YY1AP1: variants seen among roughly 807,000 people sequenced by gnomAD.
YY1AP1 encodes YY1-associated protein 1.
In YY1AP1, 43 loss-of-function variants were observed where a neutral mutation model predicts 39.9. The ratio of observed to expected loss-of-function variants is 1.08; its 90% CI spans 0.84 to 1.39. The LOEUF is 1.39. Among genes scored for constraint, YY1AP1 ranks in the 40% most tolerant of loss-of-function variants. YY1AP1 has a pLI of 0.00. For synonymous variants in YY1AP1, 292 were observed against 331.3 expected (o/e 0.88, Z 1.29); for missense variants, 813 against 900.7 (o/e 0.90, Z 1.25).
intron 4 of YY1AP1, among the ~76,000 whole-genome samples, chr1:155,676,963 C>T (rs1026310493): frequency 6.6e-6 from 1 of 152,200 alleles, no homozygotes; most frequent in Non-Finnish European, 1.5e-5. Context: ...CATCCCATTC[C>T]TCTACAATTC....
chr1:155,679,642 A>G (rs149916374), intron 3 of YY1AP1, 130 bp from the exon 4 acceptor site: 360 of 1,542,180 alleles, frequency 2.3e-4, no homozygotes, highest in Non-Finnish European at 3.0e-4. Context: ...AGCCTACATC[A>G]GAACCTTTCT....
intron 3 of YY1AP1, 162 bp downstream of exon 3, chr1:155,680,254 C>A (rs1571356890): frequency 3.0e-6 from 2 of 673,816 alleles, no homozygotes; most frequent in South Asian, 3.8e-5. Flanking sequence ...AAGAGTCTAG[C>A]AGTTAGCAAA....
intron 9 of YY1AP1, 86 bp downstream of exon 9, chr1:155,668,541 G>A: frequency 6.3e-7 from 1 of 1,590,106 alleles, no homozygotes; most frequent in Non-Finnish European, 8.6e-7. Context: ...ATAAAAGAAG[G>A]TTCTTCTTTT....
chr1:155,682,117 A>AT (rs956201730), intron 2 of YY1AP1, among the ~76,000 whole-genome samples: 7 of 151,886 alleles, frequency 4.6e-5, no homozygotes, highest in East Asian at 3.9e-4. Flanking sequence ...AGGCAGCTTG[A>AT]TTTTTTTTTA....
intron 5 of YY1AP1, among the ~76,000 whole-genome samples, chr1:155,676,020 G>A (rs867983050): frequency 9.2e-5 from 14 of 152,068 alleles, no homozygotes; most frequent in East Asian, 1.9e-4. Flanking sequence ...TTAGGAGATC[G>A]AGACCATCCT....
At chr1:155,684,069 G>A (rs1364353723) in intron 2 of YY1AP1, among the ~76,000 whole-genome samples, 1 of 152,186 alleles carries the variant, frequency 6.6e-6, no homozygotes, top group East Asian at 1.9e-4. Flanking sequence ...CCAACGTGGG[G>A]AAACCCTGTC....
chr1:155,659,901 G>A lies in YY1AP1; in HGVS notation c.2009C>T (p.Thr670Ile). The A allele has an allele frequency of 3.7e-6, 6 of 1,614,260 alleles. No individual in the cohort carries two copies. Among genetic ancestry groups the A allele is most frequent in the Non-Finnish European group, 4.2e-6 (5 of 1,180,044 alleles). ...GCTATGTTCCACTTTGGGGAAAACA[G>A]TAGCAGAGAGAGGAGATAGTTCCTG... ...EPQELSPLSA[T>I]VFPKVEHSPG... is the part of the protein sequence containing the mutation. Residue 670 changes from threonine (T) to isoleucine (I), a missense_variant, in exon 11 of 11, where the codon ACT (threonine) becomes ATT (isoleucine). Thr to Ile is a moderately conservative substitution (Grantham distance 89). Coordinates refer to ENST00000355499, the MANE Select transcript of YY1AP1 (RefSeq NM_139119.3).
intron 2 of YY1AP1, among the ~76,000 whole-genome samples, chr1:155,684,559 T>A (rs1429521640): frequency 1.3e-5 from 2 of 151,636 alleles, no homozygotes; most frequent in African/African-American, 4.9e-5. Flanking sequence ...AACACCTTTT[T>A]ACATTTCTTG....
chr1:155,668,541 GTTC>G (rs1477475887), intron 9 of YY1AP1, 83 bp downstream of exon 9: 2 of 1,589,988 alleles, frequency 1.3e-6, no homozygotes, highest in South Asian at 1.1e-5. Flanking sequence ...ATAAAAGAAG[GTTC>G]TTCTTTTCTT....
chr1:155,679,432 G>C lies in YY1AP1; in HGVS notation c.102C>G (p.Asn34Lys), dbSNP rs200526712. The C allele has an allele frequency of 7.2e-5, 116 of 1,614,126 alleles. 1 individual carries two copies. In the African/African-American group the frequency reaches 1.3e-3, roughly 18 times the overall value. Residue 34 changes from asparagine to lysine, a missense_variant, in exon 4 of 11, where the codon AAC (asparagine) becomes AAG (lysine). Coordinates refer to ENST00000355499, the MANE Select transcript of YY1AP1 (RefSeq NM_139119.3). ...EEERVAEPQA[N>K]FNTPQALRFE... ...ACCGTAGAGCTTGAGGGGTGTTAAA[G>C]TTAGCTTGAGGCTCAGCCACACGCT...
Position 155,688,745 on chromosome 1 carries a change from A to C in YY1AP1, c.-238T>G, listed in dbSNP as rs1333061233. On this transcript the variant is annotated 5_prime_UTR_variant, in exon 1 of 11. Coordinates refer to ENST00000355499, the MANE Select transcript of YY1AP1 (RefSeq NM_139119.3). ...CCCGCACGGCCACCAACCGCCGCCAAAGCAGCCGCCGCCAGCACCCCCACC... is the reference window on the plus strand; with the variant it reads ...CCCGCACGGCCACCAACCGCCGCCACAGCAGCCGCCGCCAGCACCCCCACC... The C allele has an allele frequency of 3.3e-6, 5 of 1,517,892 alleles. No homozygotes were observed. The highest frequency in any genetic ancestry group is 4.4e-5 in the Admixed American group (2 of 45,764). The allele number at this position is 1,517,892 out of a possible 1,614,324, so 94.0% of individuals were successfully genotyped here.
rs757489484 is a variant in YY1AP1, at chr1:155,670,380, A to G, written c.668T>C (p.Val223Ala). The change falls in exon 8 of 11, where the codon GTG becomes GCG. Residue 223 changes from valine (V) to alanine (A), a missense_variant. Physicochemically the swap from Val to Ala is moderately conservative, Grantham distance 64. Coordinates refer to ENST00000355499, the MANE Select transcript of YY1AP1 (RefSeq NM_139119.3). Reference protein sequence around the residue: ...KVFMYPELLPVCSLKAKNPQD... With the variant: ...KVFMYPELLPACSLKAKNPQD... ...GGGATTCTTTGCCTTCAGGGAACACACTGGAAGTAACTCTGGATACATGAA... is the reference window on the plus strand; with the variant it reads ...GGGATTCTTTGCCTTCAGGGAACACGCTGGAAGTAACTCTGGATACATGAA... 9.3e-6 allele frequency: 15 copies of G among 1,613,622 alleles called. No homozygotes were observed. The South Asian group carries it at 1.2e-4, about 13-fold the overall frequency.
Position 155,688,743 on chromosome 1 carries a change from C to T in YY1AP1, c.-236G>A, listed in dbSNP as rs115908216. The T allele has an allele frequency of 3.3e-3, 5,082 of 1,518,184 alleles. 173 individuals carry two copies. The African/African-American group carries it at 0.063, about 19-fold the overall frequency. 94.0% of individuals were successfully genotyped at this position (1,518,184 alleles called of 1,614,324 possible). A position where few individuals can be genotyped will look rare whatever the true frequency, so the allele number is the denominator to read the frequency against. ...CGCCCGCACGGCCACCAACCGCCGC[C>T]AAAGCAGCCGCCGCCAGCACCCCCA... On this transcript the variant is annotated 5_prime_UTR_variant, in exon 1 of 11. Transcript: ENST00000355499.
In YY1AP1 at chr1:155,676,652, G is replaced by A. The variant is rs1650740125; in HGVS notation, c.220C>T (p.Gln74Ter). Reference sequence around the variant, plus strand: ...TTAACCTTCTCTACCTCCTTCTGCTGTTTGGCTGAAGGTTTCTTCATCTTC... The same window carrying A: ...TTAACCTTCTCTACCTCCTTCTGCTATTTGGCTGAAGGTTTCTTCATCTTC... ...QLKMKKPSAK[Q>*]QKEVEKVKPQ... The change falls in exon 5 of 11, where the codon CAG (glutamine) becomes TAG (stop). Residue 74 changes from glutamine (Q) to a stop codon, truncating the protein, a stop_gained. Transcript: ENST00000355499. LOFTEE classifies it high-confidence loss of function. 2 of 1,614,164 alleles carry A rather than the reference G, an allele frequency of 1.2e-6. No individual in the cohort carries two copies. Among genetic ancestry groups the A allele is most frequent in the Non-Finnish European group, 1.7e-6 (2 of 1,180,032 alleles).
chr1:155,672,849 A>C lies in YY1AP1; in HGVS notation c.412-118T>G, dbSNP rs142607498. 5.6e-5 allele frequency: 77 copies of C among 1,387,030 alleles called. No individual in the cohort carries two copies. In the African/African-American group the frequency reaches 6.1e-4, roughly 11 times the overall value. The allele number at this position is 1,387,030 out of a possible 1,614,324, so 85.9% of individuals were successfully genotyped here. On this transcript the variant is annotated intron_variant, in intron 6 of 10. Coordinates refer to ENST00000355499, the MANE Select transcript of YY1AP1 (RefSeq NM_139119.3). ...CTACAGGATAAAAACAGGTAAAAAT[A>C]ATCATAAAGTCTTTCACAATAAACT...
At position 155,676,538 on chromosome 1, in the gene YY1AP1, A is replaced by G; in HGVS notation, c.324+10T>C. The G allele has an allele frequency of 6.2e-7, 1 of 1,613,976 alleles. No homozygotes were observed. Among genetic ancestry groups the G allele is most frequent in the Non-Finnish European group, 8.5e-7 (1 of 1,179,918 alleles). On this transcript the variant is annotated intron_variant, in intron 5 of 10. Coordinates refer to ENST00000355499, the MANE Select transcript of YY1AP1 (RefSeq NM_139119.3). ...TAATTCAATATTAATATGACCAAGG[A>G]AAGTGTTACCTGCTGCATCTGCTGC...
chr1:155,671,566 A>G (rs1649869166), intron 7 of YY1AP1, among the ~76,000 whole-genome samples: 1 of 152,180 alleles, frequency 6.6e-6, no homozygotes, highest in Non-Finnish European at 1.5e-5. Context: ...TTGGGAACAA[A>G]AGAACCATAA....
intron 6 of YY1AP1, chr1:155,674,602 A>C (rs1346201007): frequency 5.6e-6 from 1 of 177,132 alleles, no homozygotes; most frequent in Non-Finnish European, 1.2e-5. Flanking sequence ...AGAGGTGGGC[A>C]GATCACTTGA....
rs536101278 is a variant in YY1AP1 at position 155,681,925 on chromosome 1, T to C, written c.-20-1469A>G. Among the ~76,000 whole-genome samples the C allele has an allele frequency of 4.0e-5, 6 of 150,882 alleles. No individual in the cohort carries two copies. In the East Asian group the frequency reaches 7.8e-4, roughly 20 times the overall value. Reference sequence around the variant, plus strand: ...GTCTTGAACTCCTGGGCTCCAGCGATCCTCCCACCTCATCCTCCCAAAGTG... The same window carrying C: ...GTCTTGAACTCCTGGGCTCCAGCGACCCTCCCACCTCATCCTCCCAAAGTG... On this transcript the variant is annotated intron_variant, in intron 2 of 10. Coordinates refer to ENST00000355499, the MANE Select transcript of YY1AP1 (RefSeq NM_139119.3).
Sources: allele counts gnomAD v4.1 joint callset (sites outside exome capture counted in the v4.1 genomes callset), GRCh38; gene constraint gnomAD v4.1.1; transcripts MANE v1.5; gene names NCBI Gene and HGNC (gene_info 2026-07-23, HGNC 2026-07-21).